The following PKD1L1 variants were observed in gnomAD, a reference collection of about 807,000 sequenced individuals.
PKD1L1 encodes polycystin-1-like protein 1.
PKD1L1 carries 236 observed loss-of-function variants against 323.4 expected under a neutral mutation model. The ratio of observed to expected loss-of-function variants is 0.73; its 90% confidence interval spans 0.66 to 0.81. PKD1L1 has a LOEUF of 0.81. PKD1L1 is among the 40% of genes least tolerant of loss of function. The pLI is 0.00. For synonymous variants in PKD1L1, 1,344 were observed against 1,335.0 expected (o/e 1.01, Z -0.15); for missense variants, 3,320 against 3,508.0 (o/e 0.95, Z 1.35).
At chr7:47,925,624 G>A (rs1787642208) in intron 7 of PKD1L1, among the ~76,000 whole-genome samples, 1 of 152,138 alleles carries the variant, frequency 6.6e-6, no homozygotes, top group Non-Finnish European at 1.5e-5. Context: ...GGTCAGACAT[G>A]CCCCACGATA....
At chr7:47,786,826 T>G (rs1786818042) in intron 56 of PKD1L1, among the ~76,000 whole-genome samples, 2 of 152,090 alleles carry the variant, frequency 1.3e-5, no homozygotes, top group African/African-American at 2.4e-5. Flanking sequence ...AGCCCCCGGC[T>G]GGGAGGTCTC....
At chr7:47,786,742 G>A (rs1238893721) in intron 56 of PKD1L1, among the ~76,000 whole-genome samples, 1 of 152,222 alleles carries the variant, frequency 6.6e-6, no homozygotes, top group Non-Finnish European at 1.5e-5. Flanking sequence ...AAAGTGGTGA[G>A]TCATCGCAGT....
chr7:47,907,789 C>G (rs951641799), intron 9 of PKD1L1, among the ~76,000 whole-genome samples: 1 of 152,184 alleles, frequency 6.6e-6, no homozygotes, highest in Non-Finnish European at 1.5e-5. Context: ...TAGCCATATC[C>G]TTCCTAAGCA....
intron 56 of PKD1L1, among the ~76,000 whole-genome samples, chr7:47,776,031 G>GA (rs1186201638): frequency 6.6e-6 from 1 of 152,038 alleles, no homozygotes; most frequent in Non-Finnish European, 1.5e-5. Flanking sequence ...GGATAAAATG[G>GA]AAATATTATG....
chr7:47,872,130 T>A, intron 24 of PKD1L1, among the ~76,000 whole-genome samples: 1 of 152,196 alleles, frequency 6.6e-6, no homozygotes, highest in East Asian at 1.9e-4. Context: ...CAAATCCCTA[T>A]GAAAATCCCA....
chr7:47,838,282 G>A, intron 36 of PKD1L1, among the ~76,000 whole-genome samples: 1 of 152,216 alleles, frequency 6.6e-6, no homozygotes, highest in Non-Finnish European at 1.5e-5. Flanking sequence ...ATCAACGCAG[G>A]TGGCAACAGG....
rs1787721935 is a variant in PKD1L1 at position 47,929,469 on chromosome 7, A to C, written c.795T>G (p.Ser265=). The change falls in exon 7 of 57, where the codon TCT becomes TCG. Residue 265 remains serine (S), a synonymous_variant. Coordinates refer to ENST00000289672, the MANE Select transcript of PKD1L1 (RefSeq NM_138295.5). ...TAGGGGGATAGAGGATCTCAGAACC[A>C]GACTGCGATGCCGTGAAGCTGGGGG... The part of the protein sequence containing the change: ...PRTPSFTASQ[S]GSEILYPPTQ... The C allele has an allele frequency of 4.3e-6, 7 of 1,614,166 alleles. No homozygotes were observed. The highest frequency in any genetic ancestry group is 4.2e-6 in the Non-Finnish European group (5 of 1,179,986).
At chr7:47,884,543 AG>A (rs917618358) in intron 19 of PKD1L1, 54 bp downstream of exon 19, 2 of 1,490,026 alleles carry the variant, frequency 1.3e-6, no homozygotes, top group African/African-American at 2.8e-5. Flanking sequence ...GATTGCAGAA[AG>A]GCTGTGGAGG....
chr7:47,822,247 G>T (rs987777543), intron 45 of PKD1L1, among the ~76,000 whole-genome samples: 3 of 152,032 alleles, frequency 2.0e-5, no homozygotes, highest in Non-Finnish European at 4.4e-5. Context: ...TAGTTCCTTT[G>T]CTTTCCATAT....
At chr7:47,884,551 G>A in intron 19 of PKD1L1, 47 bp downstream of exon 19, 1 of 1,541,050 alleles carries the variant, frequency 6.5e-7, no homozygotes, top group Non-Finnish European at 9.0e-7. Context: ...AAAGGCTGTG[G>A]AGGAGAGCTG....
At chr7:47,784,652 T>C (rs1786768203) in intron 56 of PKD1L1, among the ~76,000 whole-genome samples, 1 of 152,126 alleles carries the variant, frequency 6.6e-6, no homozygotes, top group Non-Finnish European at 1.5e-5. Flanking sequence ...TTTGTATTTT[T>C]AGTAGAAACG....
chr7:47,933,152 C>A (rs769679490), intron 4 of PKD1L1, among the ~76,000 whole-genome samples: 1 of 152,182 alleles, frequency 6.6e-6, no homozygotes, highest in African/African-American at 2.4e-5. Context: ...TGACAGCAGT[C>A]GTGTCTCACT....
At chr7:47,815,517 A>G in intron 46 of PKD1L1, 60 bp from the exon 47 acceptor site, 1 of 1,561,906 alleles carries the variant, frequency 6.4e-7, no homozygotes, top group Non-Finnish European at 8.7e-7. Context: ...ATGAAACGTG[A>G]GAACAAAAGC....
the PKD1L1 span, among the ~76,000 whole-genome samples, chr7:47,956,230 C>T: frequency 4.6e-5 from 7 of 152,268 alleles, no homozygotes; most frequent in African/African-American, 1.2e-4. Context: ...CACATAGCAC[C>T]GCACTTGGAG....
rs758440287 is a variant in PKD1L1 at position 47,837,037 on chromosome 7, A to C, written c.5827T>G (p.Tyr1943Asp). The C allele has an allele frequency of 6.2e-7, 1 of 1,614,146 alleles. No individual in the cohort carries two copies. Among genetic ancestry groups the C allele is most frequent in the Non-Finnish European group, 8.5e-7 (1 of 1,180,018 alleles). Reference sequence around the variant, plus strand: ...TAGCGGCTGGAGGAGGGCCTGCTGTACACCGACAGCCAGACATGGAAATCC... The same window carrying C: ...TAGCGGCTGGAGGAGGGCCTGCTGTCCACCGACAGCCAGACATGGAAATCC... Reference protein sequence around the residue: ...LEDFHVWLSVYSRPSSSRYLH... With the variant: ...LEDFHVWLSVDSRPSSSRYLH... Residue 1943 changes from tyrosine to aspartate, a missense_variant, in exon 37 of 57, where the codon TAC becomes GAC. Tyr to Asp is a radical substitution (Grantham distance 160, BLOSUM62 -3). Transcript: ENST00000289672.
intron 42 of PKD1L1, among the ~76,000 whole-genome samples, chr7:47,830,378 A>G (rs947919531): frequency 2.6e-5 from 4 of 152,264 alleles, no homozygotes; most frequent in African/African-American, 9.6e-5. Context: ...CAACAGGCAG[A>G]TGAAACAGAG....
intron 46 of PKD1L1, chr7:47,819,722 C>A: frequency 2.1e-6 from 1 of 466,244 alleles, no homozygotes; most frequent in Non-Finnish European, 3.7e-6. Context: ...CAGGTCTTAC[C>A]TTACGAGTGG....
At chr7:47,849,405 GC>G (rs1785732626) in intron 31 of PKD1L1, among the ~76,000 whole-genome samples, 1 of 152,116 alleles carries the variant, frequency 6.6e-6, no homozygotes, top group Non-Finnish European at 1.5e-5. Flanking sequence ...AGCAGAGTAA[GC>G]AGACAAGCAA....
intron 56 of PKD1L1, among the ~76,000 whole-genome samples, chr7:47,783,621 TTGG>T (rs1786744246): frequency 6.6e-6 from 1 of 152,122 alleles, no homozygotes; most frequent in East Asian, 1.9e-4. Context: ...AAGAGAAAAT[TTGG>T]ACACCCAGGG....
Sources: gnomAD v4.1 joint callset for allele counts (sites outside exome capture counted in the v4.1 genomes callset) on GRCh38, gnomAD v4.1.1 for gene constraint, MANE v1.5 for transcripts, NCBI Gene and HGNC (gene_info 2026-07-23, HGNC 2026-07-21) for gene names.